Variants in SYT5 observed in about 807,000 individuals in gnomAD.
SYT5 encodes the protein synaptotagmin-5.
SYT5 carries 29 observed loss-of-function variants against 36.0 expected under a neutral mutation model. That is an observed-to-expected ratio of 0.81 (90% CI 0.60 to 1.10). The LOEUF (loss-of-function observed/expected upper bound fraction) is 1.10. Among genes scored for constraint, SYT5 ranks in the 50% least tolerant of loss-of-function variants. The pLI, the probability that SYT5 is intolerant of heterozygous loss-of-function variation, is 0.00. For synonymous variants in SYT5, 231 were observed against 227.6 expected (o/e 1.02, Z -0.14); for missense variants, 512 against 516.0 (o/e 0.99, Z 0.08).
rs746699508 is a variant in SYT5, at chr19:55,175,220, C to G, written c.660G>C (p.Gly220=). 5 of 1,611,062 alleles carry G rather than the reference C, an allele frequency of 3.1e-6. No individual in the cohort carries two copies. The Admixed American group carries it at 8.4e-5, about 27-fold the overall frequency. Reference sequence around the variant, plus strand: ...GCTCCCGCCAGGCCTGCACTGGCCGCCCCAGGTCCACGGAGCTCATAGGGA... The same window carrying G: ...GCTCCCGCCAGGCCTGCACTGGCCGGCCCAGGTCCACGGAGCTCATAGGGA... ...VRVPMSSVDL[G]RPVQAWRELQ... Residue 220 remains glycine, a synonymous_variant, in exon 6 of 9, where the codon GGG becomes GGC. Transcript: ENST00000354308. This position sits in a 1 kb window ranked among gnomAD's most constrained non-coding sequence, Gnocchi z 4.5.
chr19:55,179,106 C>G lies in SYT5; in HGVS notation c.-45-20G>C, dbSNP rs865956700. 5.1e-6 allele frequency: 8 copies of G among 1,554,038 alleles called. 1 individual carries two copies. The Middle Eastern group carries it at 1.0e-3, about 194-fold the overall frequency. ...AGCACCCTAGTCCCCCATTCCCACC[C>G]CAGACGTCCTTTGAGCCCCACGCAC... On this transcript the variant is annotated intron_variant, in intron 1 of 8. Transcript: ENST00000354308. The surrounding 1 kb of genome is among the most constrained non-coding windows in gnomAD (Gnocchi z 4.5).
rs780611632 is a variant in SYT5 at position 55,179,123 on chromosome 19, C to A, written c.-45-37G>T. 2.2e-5 allele frequency: 34 copies of A among 1,544,206 alleles called. No homozygotes were observed. Among genetic ancestry groups the A allele is most frequent in the Non-Finnish European group, 2.1e-5 (24 of 1,147,822 alleles). On this transcript the variant is annotated intron_variant, in intron 1 of 8. Coordinates refer to ENST00000354308, the MANE Select transcript of SYT5 (RefSeq NM_003180.3). This position sits in a 1 kb window ranked among gnomAD's most constrained non-coding sequence, Gnocchi z 4.5. ...TTCCCACCCCAGACGTCCTTTGAGC[C>A]CCACGCACAACAAAGAACTCCAACT... is the stretch of plus-strand genomic sequence containing the variant.
intron 3 of SYT5, chr19:55,176,381 A>G: frequency 2.0e-6 from 1 of 512,162 alleles, no homozygotes; most frequent in Non-Finnish European, 3.5e-6. Context: ...TCATGCTTAG[A>G]TTAAAACAAG....
At position 55,175,002 on chromosome 19, in the gene SYT5, G is replaced by T. The variant is rs2147328539; in HGVS notation, c.709-3C>A. On this transcript the variant is annotated splice_polypyrimidine_tract_variant and splice_region_variant and intron_variant, in intron 6 of 8. Transcript: ENST00000354308. The surrounding 1 kb of genome is among the most constrained non-coding windows in gnomAD (Gnocchi z 4.5). ...CAGATGTCCCCAAGCTTCTCCTGCT[G>T]AAAGGAGAGGGGCCCATCACCAGAG... The T allele has an allele frequency of 1.2e-6, 2 of 1,611,924 alleles. No individual in the cohort carries two copies. The highest frequency in any genetic ancestry group is 1.7e-6 in the Non-Finnish European group (2 of 1,179,476).
Position 55,172,962 on chromosome 19 carries a change from G to A in SYT5, c.*522C>T, listed in dbSNP as rs931507573. On this transcript the variant is annotated 3_prime_UTR_variant, in exon 9 of 9. Coordinates refer to ENST00000354308, the MANE Select transcript of SYT5 (RefSeq NM_003180.3). ...GGTGAGAGTGTGAGGGAGTCCATGG[G>A]GTCAGGCCAGTCTCTCAGAGGCTTT... 1 of 153,108 alleles carries A rather than the reference G, an allele frequency of 6.5e-6. No homozygotes were observed. Among genetic ancestry groups the A allele is most frequent in the African/African-American group, 2.4e-5 (1 of 41,496 alleles). 9.5% of individuals were successfully genotyped at this position (153,108 alleles called of 1,614,324 possible).
intron 3 of SYT5, among the ~76,000 whole-genome samples, chr19:55,176,758 A>T (rs962445222): frequency 6.7e-6 from 1 of 149,728 alleles, no homozygotes. Context: ...GTCTTTGAAC[A>T]TCACTGGTTT....
Position 55,173,392 on chromosome 19 carries a change from C to T in SYT5, c.*92G>A, listed in dbSNP as rs995465291. 3.5e-6 allele frequency: 4 copies of T among 1,132,166 alleles called. No individual in the cohort carries two copies. Among genetic ancestry groups the T allele is most frequent in the Non-Finnish European group, 3.4e-6 (3 of 874,444 alleles). 70.1% of individuals were successfully genotyped at this position (1,132,166 alleles called of 1,614,324 possible). A position where few individuals can be genotyped will look rare whatever the true frequency, so the allele number is the denominator to read the frequency against. On this transcript the variant is annotated 3_prime_UTR_variant, in exon 9 of 9. Transcript: ENST00000354308. The surrounding 1 kb of genome is among the most constrained non-coding windows in gnomAD (Gnocchi z 5.4). ...GGGGGAGGGTAACCGTCAGAGGAAG[C>T]TTAAGGGTGGGGCTGGCTTGGCTTT...
At position 55,173,762 on chromosome 19, in the gene SYT5, G is replaced by C; in HGVS notation, c.961-78C>G. The C allele has an allele frequency of 7.8e-7, 1 of 1,283,798 alleles. No homozygotes were observed. The highest frequency in any genetic ancestry group is 9.9e-7 in the Non-Finnish European group (1 of 1,005,678). The allele number at this position is 1,283,798 out of a possible 1,614,324, so 79.5% of individuals were successfully genotyped here. On this transcript the variant is annotated intron_variant, in intron 8 of 8. Coordinates refer to ENST00000354308, the MANE Select transcript of SYT5 (RefSeq NM_003180.3). This position sits in a 1 kb window ranked among gnomAD's most constrained non-coding sequence, Gnocchi z 5.4. The stretch of plus-strand genomic sequence containing the variant: ...CGGAAGGGGCGGTGTCCGTTTTCAC[G>C]GCTGAGGGTACCTCTCGCTGCCACC...
chr19:55,172,756 T>C lies in SYT5; in HGVS notation c.*728A>G, dbSNP rs1457656649. ...GAAAAAAAAGAGAGGGAGGGAGGGA[T>C]GCAGAAATGGGTATGAAAATCGATG... On this transcript the variant is annotated 3_prime_UTR_variant, in exon 9 of 9. Transcript: ENST00000354308. 1 of 152,064 alleles carries C rather than the reference T, an allele frequency of 6.6e-6. No homozygotes were observed. The allele number at this position is 152,064 out of a possible 1,614,324, so 9.4% of individuals were successfully genotyped here. A position where few individuals can be genotyped will look rare whatever the true frequency, so the allele number is the denominator to read the frequency against.
In SYT5 at chr19:55,171,443, T is replaced by C. The variant is rs2086005291; in HGVS notation, c.*2041A>G. ...AGCTGTTCTATTTTCACTTTCCCGA[T>C]TGGCTACCAGGAAGCTTAGGAGCAA... On this transcript the variant is annotated 3_prime_UTR_variant, in exon 9 of 9. Transcript: ENST00000354308. The C allele has an allele frequency of 6.6e-6, 1 of 151,310 alleles. No homozygotes were observed. The highest frequency in any genetic ancestry group is 2.4e-5 in the African/African-American group (1 of 40,972). The allele number at this position is 151,310 out of a possible 1,614,324, so 9.4% of individuals were successfully genotyped here.
chr19:55,174,588 T>C lies in SYT5; in HGVS notation c.889A>G (p.Ile297Val). ...GKKVRKKKTTIKKNTLNPYYN... is the reference protein window; with the variant it reads ...GKKVRKKKTTVKKNTLNPYYN... Reference sequence around the variant, plus strand: ...TAGGGGTTCAGAGTGTTCTTCTTGATGGTGGTTTTCTTCTTCCGCACCTTT... The same window carrying C: ...TAGGGGTTCAGAGTGTTCTTCTTGACGGTGGTTTTCTTCTTCCGCACCTTT... Residue 297 changes from isoleucine (I) to valine (V), a missense_variant, in exon 8 of 9, where the codon ATC becomes GTC. Transcript: ENST00000354308. 6.2e-7 allele frequency: 1 copy of C among 1,614,150 alleles called. No homozygotes were observed. The highest frequency in any genetic ancestry group is 8.5e-7 in the Non-Finnish European group (1 of 1,179,994).
At position 55,173,705 on chromosome 19, in the gene SYT5, AGAG is replaced by A. The variant is rs1347186946; in HGVS notation, c.961-24_961-22del. Reference sequence around the variant, plus strand: ...ACCTTCTGGGGTGGGCGCGGGAGGAAGAGGAGAGAGGAGCGTGAGGGGAGGAGG... The same window carrying A: ...ACCTTCTGGGGTGGGCGCGGGAGGAAGAGAGAGGAGCGTGAGGGGAGGAGG... On this transcript the variant is annotated intron_variant, in intron 8 of 8. Coordinates refer to ENST00000354308, the MANE Select transcript of SYT5 (RefSeq NM_003180.3). This position sits in a 1 kb window ranked among gnomAD's most constrained non-coding sequence, Gnocchi z 5.4. 8 of 1,352,576 alleles carry A rather than the reference AGAG, an allele frequency of 5.9e-6. 1 individual carries two copies. The highest frequency in any genetic ancestry group is 2.5e-4 in the Middle Eastern group (1 of 4,068). The allele number at this position is 1,352,576 out of a possible 1,614,324, so 83.8% of individuals were successfully genotyped here.
chr19:55,171,545 G>A lies in SYT5; in HGVS notation c.*1939C>T, dbSNP rs1212338642. The A allele has an allele frequency of 1.3e-5, 2 of 152,164 alleles. No individual in the cohort carries two copies. The highest frequency in any genetic ancestry group is 2.9e-5 in the Non-Finnish European group (2 of 68,040). The allele number at this position is 152,164 out of a possible 1,614,324, so 9.4% of individuals were successfully genotyped here. ...CATTCTCCACTTAATCTGCTGCTCA[G>A]AGAGTTCTCTGGCCAAATCTTATAG... On this transcript the variant is annotated 3_prime_UTR_variant, in exon 9 of 9. Transcript: ENST00000354308.
Position 55,174,586 on chromosome 19 carries a change from G to C in SYT5, c.891C>G (p.Ile297Met), listed in dbSNP as rs202177638. ...AATAGGGGTTCAGAGTGTTCTTCTT[G>C]ATGGTGGTTTTCTTCTTCCGCACCT... is the stretch of plus-strand genomic sequence containing the variant. The part of the protein sequence containing the change: ...GKKVRKKKTT[I>M]KKNTLNPYYN... Residue 297 changes from isoleucine (I) to methionine (M), a missense_variant, in exon 8 of 9, where the codon ATC becomes ATG. Transcript: ENST00000354308. The C allele has an allele frequency of 2.6e-4, 420 of 1,614,124 alleles. 1 individual carries two copies. In the Middle Eastern group the frequency reaches 4.6e-3, roughly 18 times the overall value.
rs1354146104 is a variant in SYT5, at chr19:55,173,966, C to G, written c.961-282G>C. On this transcript the variant is annotated intron_variant, in intron 8 of 8. Transcript: ENST00000354308. The surrounding 1 kb of genome is among the most constrained non-coding windows in gnomAD (Gnocchi z 5.4). Reference sequence around the variant, plus strand: ...TGTTCGGCGCCTCCTGGGGGAGCAGCCTCCTAAGAGCCGCAAAGCTGCAGA... The same window carrying G: ...TGTTCGGCGCCTCCTGGGGGAGCAGGCTCCTAAGAGCCGCAAAGCTGCAGA... The G allele has an allele frequency of 1.3e-5, 5 of 375,356 alleles. No individual in the cohort carries two copies. The highest frequency in any genetic ancestry group is 4.6e-5 in the Admixed American group (1 of 21,844). The allele number at this position is 375,356 out of a possible 1,614,324, so 23.3% of individuals were successfully genotyped here.
rs2086032228 is a variant in SYT5, at chr19:55,173,720, G to A, written c.961-36C>T. The stretch of plus-strand genomic sequence containing the variant: ...CGCGGGAGGAAGAGGAGAGAGGAGC[G>A]TGAGGGGAGGAGGCCCCGGAAGGGG... On this transcript the variant is annotated intron_variant, in intron 8 of 8. Coordinates refer to ENST00000354308, the MANE Select transcript of SYT5 (RefSeq NM_003180.3). The surrounding 1 kb of genome is among the most constrained non-coding windows in gnomAD (Gnocchi z 5.4). The A allele has an allele frequency of 6.8e-6, 9 of 1,327,068 alleles. No homozygotes were observed. The highest frequency in any genetic ancestry group is 8.7e-6 in the Non-Finnish European group (9 of 1,031,174). The allele number at this position is 1,327,068 out of a possible 1,614,324, so 82.2% of individuals were successfully genotyped here. A position where few individuals can be genotyped will look rare whatever the true frequency, so the allele number is the denominator to read the frequency against.
rs914623113 is a variant in SYT5 at position 55,179,557 on chromosome 19, A to G, written c.-45-471T>C. 3.0e-5 allele frequency: 6 copies of G among 198,652 alleles called. No homozygotes were observed. The highest frequency in any genetic ancestry group is 1.1e-4 in the East Asian group (1 of 8,888). The allele number at this position is 198,652 out of a possible 1,614,324, so 12.3% of individuals were successfully genotyped here. On this transcript the variant is annotated intron_variant, in intron 1 of 8. Coordinates refer to ENST00000354308, the MANE Select transcript of SYT5 (RefSeq NM_003180.3). This position sits in a 1 kb window ranked among gnomAD's most constrained non-coding sequence, Gnocchi z 4.5. ...CCCACCGGTGCCTGGGAACCCCCCA[A>G]TAGCCCGACTGGGATCCTGAGGTCC...
chr19:55,174,686 C>G (rs2086050783), intron 7 of SYT5, 36 bp from the exon 8 acceptor site: 2 of 1,613,446 alleles, frequency 1.2e-6, no homozygotes, highest in African/African-American at 1.3e-5. Context: ...TAGCTCCCCA[C>G]TGCTGGGTTG....
At chr19:55,177,668 T>C (rs2086091657) in intron 3 of SYT5, 1 of 152,372 alleles carries the variant, frequency 6.6e-6, no homozygotes, top group East Asian at 1.9e-4. Context: ...CACCTCCCGG[T>C]TTCAGTGCCT....
Sources: allele counts gnomAD v4.1 joint callset (sites outside exome capture counted in the v4.1 genomes callset), GRCh38; gene constraint gnomAD v4.1.1; non-coding constraint Gnocchi (gnomAD v3.1); transcripts MANE v1.5; gene names NCBI Gene and HGNC (gene_info 2026-07-23, HGNC 2026-07-21).